The following RFX7 variants were observed in gnomAD, a reference collection of about 807,000 sequenced individuals.
RFX7 encodes regulatory factor X7.
Under a neutral mutation model 111.8 loss-of-function variants are expected in RFX7, and 26 were observed. The ratio of observed to expected loss-of-function variants is 0.23; its 90% CI spans 0.17 to 0.32. The LOEUF (loss-of-function observed/expected upper bound fraction) is 0.32. Ranked by LOEUF, RFX7 falls within the 10% of genes least tolerant of loss-of-function variation. RFX7 has a pLI of 1.00. For missense variants in RFX7, 1,573 were observed against 1,772.9 expected, an observed-to-expected ratio of 0.89 and a Z score of 2.02; for synonymous variants, 624 against 624.4, an observed-to-expected ratio of 1.00 and a Z score of 0.01.
At chr15:56,166,538 A>C (rs1346841001) in intron 3 of RFX7, among the ~76,000 whole-genome samples, 1 of 152,114 alleles carries the variant, frequency 6.6e-6, no homozygotes, top group Non-Finnish European at 1.5e-5. Context: ...TTCTCTTTCT[A>C]TGCTAGAAAC....
chr15:56,102,007 G>A (rs1249596582), intron 7 of RFX7, among the ~76,000 whole-genome samples, 162 bp downstream of exon 7: 3 of 151,998 alleles, frequency 2.0e-5, no homozygotes, highest in African/African-American at 7.2e-5. Context: ...GTTGACGTAG[G>A]TCATATACAC....
chr15:56,160,582 C>CAGTT (rs2042709222), intron 3 of RFX7: 1 of 151,948 alleles, frequency 6.6e-6, no homozygotes, highest in African/African-American at 2.4e-5. Context: ...GATTCAGGAG[C>CAGTT]AGTTTCTAAA....
chr15:56,119,613 C>G (rs2042049548), intron 5 of RFX7, among the ~76,000 whole-genome samples: 1 of 151,624 alleles, frequency 6.6e-6, no homozygotes, highest in Non-Finnish European at 1.5e-5. Context: ...CCTGTCTCTA[C>G]TAAAAATACA....
At chr15:56,139,644 T>G (rs1277277431) in intron 5 of RFX7, among the ~76,000 whole-genome samples, 1 of 152,254 alleles carries the variant, frequency 6.6e-6, no homozygotes, top group Non-Finnish European at 1.5e-5. Flanking sequence ...TCCAGCTTTG[T>G]TCCGTTGCTG....
chr15:56,238,518 G>A (rs1253768270), intron 2 of RFX7, among the ~76,000 whole-genome samples: 1 of 152,114 alleles, frequency 6.6e-6, no homozygotes, highest in Admixed American at 6.5e-5. Flanking sequence ...TAAGGAATCA[G>A]TAGAATCTTA....
chr15:56,130,105 C>T (rs1371906043), intron 5 of RFX7, among the ~76,000 whole-genome samples: 1 of 152,120 alleles, frequency 6.6e-6, no homozygotes. Flanking sequence ...CAGTAAGGAA[C>T]TGTGATAAAG....
upstream of RFX7, among the ~76,000 whole-genome samples, chr15:56,244,755 G>T (rs551855165): frequency 9.2e-5 from 14 of 152,202 alleles, no homozygotes; most frequent in East Asian, 2.1e-3. Flanking sequence ...TCAGGCGTCA[G>T]CCACGAGCTC....
intron 3 of RFX7, among the ~76,000 whole-genome samples, chr15:56,172,026 C>T (rs2042850831): frequency 6.6e-6 from 1 of 151,984 alleles, no homozygotes; most frequent in African/African-American, 2.4e-5. Flanking sequence ...ACAGGAAAAC[C>T]AGGATAGTGT....
intron 9 of RFX7, 116 bp from the exon 10 acceptor site, chr15:56,096,736 T>C (rs2041684455): frequency 1.7e-6 from 2 of 1,173,762 alleles, no homozygotes; most frequent in Non-Finnish European, 2.3e-6. Flanking sequence ...AAGAAAAAAG[T>C]TCCTATGTTA....
At chr15:56,158,082 C>T (rs2042675696) in intron 3 of RFX7, among the ~76,000 whole-genome samples, 1 of 152,004 alleles carries the variant, frequency 6.6e-6, no homozygotes, top group Non-Finnish European at 1.5e-5. Flanking sequence ...AAGAATAACC[C>T]ATATTACATA....
In RFX7 at chr15:56,109,099, G is replaced by A. The variant is rs367671848; in HGVS notation, c.402-5429C>T. ...CACGGTCTCCCTCTGATGCCGAGCCGAAGCTGGACTGTACTGCTGCCATCT... is the reference window on the plus strand; with the variant it reads ...CACGGTCTCCCTCTGATGCCGAGCCAAAGCTGGACTGTACTGCTGCCATCT... On this transcript the variant is annotated intron_variant, in intron 5 of 9. Transcript: ENST00000559447. 2.4e-4 allele frequency among the ~76,000 whole-genome samples: 36 copies of A among 152,228 alleles called. No homozygotes were observed. The South Asian group carries it at 4.6e-3, about 19-fold the overall frequency.
intron 5 of RFX7, among the ~76,000 whole-genome samples, chr15:56,105,240 T>A (rs1379610817): frequency 1.3e-5 from 2 of 152,216 alleles, no homozygotes; most frequent in Admixed American, 6.5e-5. Context: ...CGTCCTCATG[T>A]CACACCCTCA....
chr15:56,233,518 C>G lies in RFX7; in HGVS notation c.161+9607G>C, dbSNP rs571661080. Reference sequence around the variant, plus strand: ...AAGACAAGGAGAAATTTAAGCTACACTGCAAACTGGGAAACTTGTTAAAAT... The same window carrying G: ...AAGACAAGGAGAAATTTAAGCTACAGTGCAAACTGGGAAACTTGTTAAAAT... On this transcript the variant is annotated intron_variant, in intron 2 of 9. Transcript: ENST00000559447. Among the ~76,000 whole-genome samples, 3 of 152,148 alleles carry G rather than the reference C, an allele frequency of 2.0e-5. No homozygotes were observed. The East Asian group carries it at 5.8e-4, about 29-fold the overall frequency.
chr15:56,118,617 C>T (rs1232279694), intron 5 of RFX7, among the ~76,000 whole-genome samples: 2 of 152,132 alleles, frequency 1.3e-5, no homozygotes, highest in African/African-American at 4.8e-5. Context: ...TAGGTTGCTT[C>T]CAAATCTTGG....
At position 56,119,858 on chromosome 15, in the gene RFX7, T is replaced by C. The variant is rs546022635; in HGVS notation, c.402-16188A>G. ...TGTTTCTGGGTTCTCTATTCTGTTCTTTTGGTCTATGTGTCTGTTTTTATG... is the reference window on the plus strand; with the variant it reads ...TGTTTCTGGGTTCTCTATTCTGTTCCTTTGGTCTATGTGTCTGTTTTTATG... On this transcript the variant is annotated intron_variant, in intron 5 of 9. Transcript: ENST00000559447. Among the ~76,000 whole-genome samples, 14 of 152,134 alleles carry C rather than the reference T, an allele frequency of 9.2e-5. No individual in the cohort carries two copies. In the South Asian group the frequency reaches 2.9e-3, roughly 32 times the overall value.
At chr15:56,140,015 T>G (rs2042365770) in intron 5 of RFX7, among the ~76,000 whole-genome samples, 1 of 152,118 alleles carries the variant, frequency 6.6e-6, no homozygotes, top group African/African-American at 2.4e-5. Context: ...ACTGCTCTCT[T>G]CAAAGCTGTC....
chr15:56,115,070 G>A (rs2041993128), intron 5 of RFX7, among the ~76,000 whole-genome samples: 1 of 152,098 alleles, frequency 6.6e-6, no homozygotes, highest in Non-Finnish European at 1.5e-5. Flanking sequence ...GAGTGCAATG[G>A]CGTGATTTCT....
At chr15:56,235,155 A>G (rs1209642243) in intron 2 of RFX7, among the ~76,000 whole-genome samples, 2 of 151,502 alleles carry the variant, frequency 1.3e-5, no homozygotes, top group African/African-American at 4.8e-5. Context: ...CAGTTCATAC[A>G]GTAATCCCCT....
chr15:56,205,021 A>G (rs2043236246), intron 2 of RFX7, among the ~76,000 whole-genome samples: 1 of 152,216 alleles, frequency 6.6e-6, no homozygotes, highest in African/African-American at 2.4e-5. Context: ...TAAAGGCAAA[A>G]GAAGAGTATT....
Sources: gnomAD v4.1 joint callset for allele counts (sites outside exome capture counted in the v4.1 genomes callset) on GRCh38, gnomAD v4.1.1 for gene constraint, MANE v1.5 for transcripts, NCBI Gene and HGNC (gene_info 2026-07-23, HGNC 2026-07-21) for gene names.